Variants in MTDH observed in about 807,000 individuals in gnomAD.
MTDH encodes the protein metadherin.
Under a neutral mutation model 72.7 loss-of-function variants are expected in MTDH, and 34 were observed. The observed-to-expected ratio is 0.47, with a 90% CI of 0.36 to 0.62. The LOEUF (loss-of-function observed/expected upper bound fraction) is 0.62. Among genes scored for constraint, MTDH ranks in the 20% least tolerant of loss-of-function variants. MTDH has a pLI of 0.00. For synonymous variants in MTDH, 266 were observed against 268.9 expected, an observed-to-expected ratio of 0.99 and a Z score of 0.10; for missense variants, 677 against 699.4, an observed-to-expected ratio of 0.97 and a Z score of 0.36.
chr8:97,649,912 T>A (rs905819828), intron 1 of MTDH, among the ~76,000 whole-genome samples: 1 of 151,464 alleles, frequency 6.6e-6, no homozygotes, highest in Admixed American at 6.6e-5. Context: ...CCATTATTTT[T>A]ATCTATTAAA....
intron 2 of MTDH, among the ~76,000 whole-genome samples, chr8:97,676,275 CTT>C (rs1812842010): frequency 6.6e-6 from 1 of 151,992 alleles, no homozygotes; most frequent in African/African-American, 2.4e-5. Flanking sequence ...CTTATTTTTG[CTT>C]TTATGGTTTG....
chr8:97,681,265 G>T (rs2130983748), intron 2 of MTDH, among the ~76,000 whole-genome samples: 1 of 152,220 alleles, frequency 6.6e-6, no homozygotes, highest in Admixed American at 6.5e-5. Flanking sequence ...AAACAGGAAT[G>T]TTCAAAGAGG....
At chr8:97,722,803 C>G (rs543279476) in intron 10 of MTDH, 76 bp from the exon 11 acceptor site, 1 of 1,437,436 alleles carries the variant, frequency 7.0e-7, no homozygotes, top group Non-Finnish European at 9.4e-7. Flanking sequence ...TAAACCACCT[C>G]TTGGTATTAC....
intron 8 of MTDH, among the ~76,000 whole-genome samples, chr8:97,708,585 T>C (rs1482658184): frequency 9.2e-5 from 2 of 21,774 alleles, no homozygotes; most frequent in East Asian, 4.0e-3. Context: ...CCAGGCCTTT[T>C]TTTTTTTTTT....
intron 8 of MTDH, among the ~76,000 whole-genome samples, chr8:97,712,915 A>G (rs747228132): frequency 1.3e-5 from 2 of 152,140 alleles, no homozygotes; most frequent in Non-Finnish European, 2.9e-5. Context: ...TTGTACAGAT[A>G]CTAGTTCCAT....
chr8:97,644,457 C>T lies in MTDH; in HGVS notation c.-50C>T, dbSNP rs754839004. Reference sequence around the variant, plus strand: ...CTCGCTTCCCTCGACTATTCCACTGCGTCTCCGCGCCCCGGCGTCATCCTG... The same window carrying T: ...CTCGCTTCCCTCGACTATTCCACTGTGTCTCCGCGCCCCGGCGTCATCCTG... On this transcript the variant is annotated 5_prime_UTR_variant, in exon 1 of 12. Coordinates refer to ENST00000336273, the MANE Select transcript of MTDH (RefSeq NM_178812.4). 3 of 1,522,866 alleles carry T rather than the reference C, an allele frequency of 2.0e-6. No individual in the cohort carries two copies. The highest frequency in any genetic ancestry group is 1.2e-5 in the South Asian group (1 of 82,554). 94.3% of individuals were successfully genotyped at this position (1,522,866 alleles called of 1,614,324 possible).
At chr8:97,664,140 G>C (rs1445918215) in intron 2 of MTDH, among the ~76,000 whole-genome samples, 1 of 152,202 alleles carries the variant, frequency 6.6e-6, no homozygotes, top group Non-Finnish European at 1.5e-5. Context: ...CAGATCACCT[G>C]AGATCGGGAG....
chr8:97,657,909 C>T (rs553283431), intron 1 of MTDH, among the ~76,000 whole-genome samples: 1 of 152,128 alleles, frequency 6.6e-6, no homozygotes, highest in Non-Finnish European at 1.5e-5. Context: ...GTAAGTAGAT[C>T]TATATAATAT....
intron 2 of MTDH, among the ~76,000 whole-genome samples, chr8:97,668,900 A>G (rs1812495954): frequency 6.6e-6 from 1 of 151,784 alleles, no homozygotes; most frequent in Non-Finnish European, 1.5e-5. Context: ...TTTTGGTGTA[A>G]TGTTTTTCCC....
At chr8:97,716,976 A>C (rs1814901447) in intron 9 of MTDH, among the ~76,000 whole-genome samples, 1 of 152,144 alleles carries the variant, frequency 6.6e-6, no homozygotes, top group Non-Finnish European at 1.5e-5. Context: ...TACCGCACCA[A>C]ACCCAAAGTC....
intron 8 of MTDH, among the ~76,000 whole-genome samples, chr8:97,710,559 G>T (rs368683420): frequency 6.7e-6 from 1 of 150,078 alleles, no homozygotes; most frequent in Admixed American, 6.7e-5. Context: ...TTAGCTGGAT[G>T]TGGCAGTGTG....
chr8:97,712,932 A>G (rs1469776413), intron 8 of MTDH, among the ~76,000 whole-genome samples: 1 of 152,112 alleles, frequency 6.6e-6, no homozygotes, highest in Non-Finnish European at 1.5e-5. Context: ...CCATGGATGG[A>G]ACCATATGGC....
rs1844246829 is a variant in MTDH, at chr8:97,727,755, C to A, written c.*3085C>A. 1 of 152,154 alleles carries A rather than the reference C, an allele frequency of 6.6e-6. No individual in the cohort carries two copies. The highest frequency in any genetic ancestry group is 1.5e-5 in the Non-Finnish European group (1 of 68,036). The allele number at this position is 152,154 out of a possible 1,614,324, so 9.4% of individuals were successfully genotyped here. On this transcript the variant is annotated 3_prime_UTR_variant, in exon 12 of 12. Transcript: ENST00000336273. ...AAAGGCTCCCTAATCCAGCCTGTCT[C>A]CACATACATACTGAAAATTCTTCCC...
chr8:97,660,140 C>G (rs560416998), intron 1 of MTDH, among the ~76,000 whole-genome samples: 1 of 152,076 alleles, frequency 6.6e-6, no homozygotes, highest in Non-Finnish European at 1.5e-5. Flanking sequence ...GCCTGGGCAA[C>G]AAGAGCGAAA....
intron 5 of MTDH, 25 bp from the exon 6 acceptor site, chr8:97,690,927 T>C (rs767621507): frequency 6.5e-6 from 10 of 1,535,048 alleles, no homozygotes; most frequent in Non-Finnish European, 8.9e-6. Context: ...ACCTGTTTTT[T>C]AATATTCATT....
At position 97,699,770 on chromosome 8, in the gene MTDH, A is replaced by G. The variant is rs1488621422; in HGVS notation, c.1065A>G (p.Pro355=). 1 of 1,611,728 alleles carries G rather than the reference A, an allele frequency of 6.2e-7. No individual in the cohort carries two copies. Among genetic ancestry groups the G allele is most frequent in the South Asian group, 1.1e-5 (1 of 90,984 alleles). The change falls in exon 7 of 12, where the codon CCA becomes CCG. Residue 355 remains proline, a synonymous_variant. Coordinates refer to ENST00000336273, the MANE Select transcript of MTDH (RefSeq NM_178812.4). ...TCATTTAAGGGTCTACTGCTGAGCCAGTTTCTCAGTCTACCACTTCTGATT... is the reference window on the plus strand; with the variant it reads ...TCATTTAAGGGTCTACTGCTGAGCCGGTTTCTCAGTCTACCACTTCTGATT... ...IFSGIGSTAE[P]VSQSTTSDYQ...
At chr8:97,672,386 C>T (rs1272500641) in intron 2 of MTDH, among the ~76,000 whole-genome samples, 2 of 152,110 alleles carry the variant, frequency 1.3e-5, no homozygotes, top group Non-Finnish European at 2.9e-5. Context: ...GTTCTCTGAG[C>T]CTTGGACTAT....
At chr8:97,686,505 A>G (rs553701689) in intron 2 of MTDH, among the ~76,000 whole-genome samples, 163 bp from the exon 3 acceptor site, 12 of 152,356 alleles carry the variant, frequency 7.9e-5, no homozygotes, top group African/African-American at 2.6e-4. Flanking sequence ...ACTCAATGGT[A>G]ACCTCATATG....
chr8:97,667,276 A>AT lies in MTDH; in HGVS notation c.483+6109dup, dbSNP rs202172597. Among the ~76,000 whole-genome samples the AT allele has an allele frequency of 9.1e-3, 1,380 of 152,102 alleles. 12 individuals carry two copies. Among genetic ancestry groups the AT allele is most frequent in the African/African-American group, 0.03 (1,232 of 41,484 alleles). On this transcript the variant is annotated intron_variant, in intron 2 of 11. Transcript: ENST00000336273. Reference sequence around the variant, plus strand: ...GCTGGGATCACAGGCATCTCATTGTATTTTTTACTGCCATCTACTCACAGT... The same window carrying AT: ...GCTGGGATCACAGGCATCTCATTGTATTTTTTTACTGCCATCTACTCACAGT...
Sources: allele counts gnomAD v4.1 joint callset (sites outside exome capture counted in the v4.1 genomes callset), GRCh38; gene constraint gnomAD v4.1.1; transcripts MANE v1.5; gene names NCBI Gene and HGNC (gene_info 2026-07-23, HGNC 2026-07-21).